RPL18A: variants seen among roughly 807,000 people sequenced by gnomAD.
RPL18A encodes large ribosomal subunit protein eL20.
For synonymous variants in RPL18A, 122 were observed against 96.9 expected (o/e 1.26, Z -1.52); for missense variants, 163 against 254.1 (o/e 0.64, Z 2.44).
At chr19:17,862,302 T>A (rs2094278905) in intron 3 of RPL18A, 79 bp downstream of exon 3, 1 of 1,544,814 alleles carries the variant, frequency 6.5e-7, no homozygotes. Flanking sequence ...TGCCAGAGGT[T>A]CCCAGTGCAG....
At position 17,859,948 on chromosome 19, in the gene RPL18A, G is replaced by C. The variant is rs1320109484; in HGVS notation, c.-9G>C. On this transcript the variant is annotated 5_prime_UTR_variant, in exon 1 of 5. Coordinates refer to ENST00000222247, the MANE Select transcript of RPL18A (RefSeq NM_000980.4). ...TTTTGCGGGTGGCGGCGAACGCGGA[G>C]AGCACGCCATGAAGGCCTCGGGCAC... 2 of 1,543,148 alleles carry C rather than the reference G, an allele frequency of 1.3e-6. No individual in the cohort carries two copies. Among genetic ancestry groups the C allele is most frequent in the Admixed American group, 4.0e-5 (2 of 50,430 alleles).
intron 1 of RPL18A, chr19:17,860,771 G>T (rs1226821133): frequency 1.3e-5 from 2 of 157,000 alleles, no homozygotes; most frequent in African/African-American, 4.8e-5. Flanking sequence ...TTGGATTGCA[G>T]TTGGGAAAAC....
chr19:17,860,018 G>A (rs2094274203), intron 1 of RPL18A, 44 bp downstream of exon 1: 2 of 1,484,512 alleles, frequency 1.3e-6, no homozygotes, highest in African/African-American at 1.5e-5. Flanking sequence ...GATGGGGCAC[G>A]GGCCCCATCA....
Position 17,862,132 on chromosome 19 carries a change from G to C in RPL18A, c.237G>C (p.Gly79=). ...CCCCCCTGCGGGTGAAGAACTTCGG[G>C]ATCTGGCTGCGCTATGACTCCCGGA... The part of the protein sequence containing the change: ...EKSPLRVKNF[G]IWLRYDSRSG... Residue 79 remains glycine (G), a synonymous_variant, in exon 3 of 5, where the codon GGG becomes GGC. Coordinates refer to ENST00000222247, the MANE Select transcript of RPL18A (RefSeq NM_000980.4). 1 of 1,612,424 alleles carries C rather than the reference G, an allele frequency of 6.2e-7. No homozygotes were observed. Among genetic ancestry groups the C allele is most frequent in the Non-Finnish European group, 8.5e-7 (1 of 1,179,986 alleles).
At chr19:17,860,581 C>T (rs1392494134) in intron 1 of RPL18A, among the ~76,000 whole-genome samples, 2 of 152,166 alleles carry the variant, frequency 1.3e-5, no homozygotes, top group African/African-American at 4.8e-5. Flanking sequence ...GCCGGTGGGT[C>T]AGGTTCACAG....
intron 3 of RPL18A, 121 bp from the exon 4 acceptor site, chr19:17,862,797 G>A (rs1306936267): frequency 1.3e-6 from 1 of 777,488 alleles, no homozygotes; most frequent in Non-Finnish European, 2.3e-6. Context: ...TGAGCCCCGA[G>A]CCCTCAGGCA....
At chr19:17,861,515 C>A in intron 2 of RPL18A, 43 bp downstream of exon 2, 3 of 1,472,258 alleles carry the variant, frequency 2.0e-6, no homozygotes, top group South Asian at 1.3e-5. Context: ...AGTGGATTTG[C>A]GCCTCTTGGG....
chr19:17,862,241 C>A lies in RPL18A; in HGVS notation c.328+18C>A. ...CCAGTGCTGTAAGCTGCCTGTCCCG[C>A]CTCCAGCTTTTTAGACCCTCCTTGA... On this transcript the variant is annotated intron_variant, in intron 3 of 4. Coordinates refer to ENST00000222247, the MANE Select transcript of RPL18A (RefSeq NM_000980.4). The A allele has an allele frequency of 1.9e-6, 3 of 1,612,060 alleles. No individual in the cohort carries two copies. The highest frequency in any genetic ancestry group is 2.5e-6 in the Non-Finnish European group (3 of 1,179,766).
chr19:17,861,099 C>T (rs184166991), intron 1 of RPL18A, 194 bp from the exon 2 acceptor site: 10 of 593,612 alleles, frequency 1.7e-5, no homozygotes, highest in Non-Finnish European at 3.0e-5. Context: ...CCTCCCTCTC[C>T]TCAGTTCATT....
intron 3 of RPL18A, 181 bp downstream of exon 3, chr19:17,862,404 T>A: frequency 1.4e-6 from 1 of 739,166 alleles, no homozygotes; most frequent in Non-Finnish European, 2.3e-6. Flanking sequence ...CCAGGCTCGG[T>A]TGTAAATCAC....
chr19:17,862,871 C>A, intron 3 of RPL18A, 47 bp from the exon 4 acceptor site: 1 of 1,348,286 alleles, frequency 7.4e-7, no homozygotes. Flanking sequence ...TGCTGAATGC[C>A]CAGAGCCCAG....
intron 3 of RPL18A, chr19:17,862,460 TGGGATCC>T: frequency 1.5e-6 from 1 of 673,022 alleles, no homozygotes; most frequent in Non-Finnish European, 2.7e-6. Flanking sequence ...TTGTTTAGAC[TGGGATCC>T]ACATCACCAC....
chr19:17,862,333 C>T (rs1371784946), intron 3 of RPL18A, 110 bp downstream of exon 3: 47 of 1,349,004 alleles, frequency 3.5e-5, no homozygotes, highest in Non-Finnish European at 4.7e-5. Context: ...GGACTGGTGG[C>T]GGGGCACAGG....
intron 4 of RPL18A, 59 bp from the exon 5 acceptor site, chr19:17,863,112 C>T (rs1395963247): frequency 1.3e-6 from 2 of 1,554,792 alleles, no homozygotes; most frequent in Non-Finnish European, 1.8e-6. Flanking sequence ...CTTGGTGGCC[C>T]CACAGGATGG....
intron 1 of RPL18A, 199 bp downstream of exon 1, chr19:17,860,173 C>A: frequency 1.9e-6 from 1 of 532,920 alleles, no homozygotes; most frequent in Non-Finnish European, 3.2e-6. Flanking sequence ...TGACCTGGGC[C>A]AGCTCAGGGA....
rs201827444 is a variant in RPL18A at position 17,862,171 on chromosome 19, C to T, written c.276C>T (p.Asn92=). 6 of 1,613,414 alleles carry T rather than the reference C, an allele frequency of 3.7e-6. No homozygotes were observed. The East Asian group carries it at 1.1e-4, about 30-fold the overall frequency. ...ATGACTCCCGGAGCGGCACCCACAA[C>T]ATGTACCGGGAATACCGGGACCTGA... is the stretch of plus-strand genomic sequence containing the variant. ...LRYDSRSGTH[N]MYREYRDLTT... Residue 92 remains asparagine (N), a synonymous_variant, in exon 3 of 5, where the codon AAC becomes AAT. Transcript: ENST00000222247.
At chr19:17,860,474 C>T (rs1258110356) in intron 1 of RPL18A, among the ~76,000 whole-genome samples, 3 of 152,138 alleles carry the variant, frequency 2.0e-5, no homozygotes, top group Non-Finnish European at 4.4e-5. Flanking sequence ...AACCTGGACT[C>T]CCATGGAGTG....
At chr19:17,863,062 GC>G in intron 4 of RPL18A, 35 bp downstream of exon 4, 2 of 1,570,546 alleles carry the variant, frequency 1.3e-6, no homozygotes, top group South Asian at 2.2e-5. Context: ...GGAGGGAAGT[GC>G]CTGCTCTGAC....
Position 17,861,294 on chromosome 19 carries a change from T to C in RPL18A, c.20T>C (p.Leu7Pro). The change falls in exon 2 of 5, where the codon CTA becomes CCA. Residue 7 changes from leucine (L) to proline (P), a missense_variant and splice_region_variant. Transcript: ENST00000222247. MKASGTLREYKVVGRCL... is the reference protein window; with the variant it reads MKASGTPREYKVVGRCL... ...ACCCTCACTCCTGTTTCCTTTCAGCTACGAGAGTACAAGGTAGTGGGTCGC... is the reference window on the plus strand; with the variant it reads ...ACCCTCACTCCTGTTTCCTTTCAGCCACGAGAGTACAAGGTAGTGGGTCGC... The C allele has an allele frequency of 3.7e-6, 6 of 1,613,852 alleles. No homozygotes were observed. The highest frequency in any genetic ancestry group is 5.1e-6 in the Non-Finnish European group (6 of 1,179,810).
Sources: gnomAD v4.1 joint callset for allele counts (sites outside exome capture counted in the v4.1 genomes callset) on GRCh38, gnomAD v4.1.1 for gene constraint, MANE v1.5 for transcripts, NCBI Gene and HGNC (gene_info 2026-07-23, HGNC 2026-07-21) for gene names.